ARHGAP10: variants seen among roughly 807,000 people sequenced by gnomAD.
ARHGAP10 encodes Rho GTPase activating protein 10.
A neutral mutation model predicts 108.6 loss-of-function variants in ARHGAP10; 87 were observed. That is an observed-to-expected ratio of 0.80 (90% CI 0.67 to 0.96). The LOEUF is 0.96. ARHGAP10 is among the 40% of genes least tolerant of loss of function. The pLI is 0.00. For synonymous variants in ARHGAP10, 347 were observed against 341.1 expected, an observed-to-expected ratio of 1.02 and a Z score of -0.19; for missense variants, 939 against 954.5, an observed-to-expected ratio of 0.98 and a Z score of 0.21.
At position 147,959,726 on chromosome 4, in the gene ARHGAP10, C is replaced by G. The variant is rs147057943; in HGVS notation, c.1450+4352C>G. Among the ~76,000 whole-genome samples, 580 of 152,244 alleles carry G rather than the reference C, an allele frequency of 3.8e-3. 7 individuals carry two copies. Among genetic ancestry groups the G allele is most frequent in the East Asian group, 0.022 (115 of 5,182 alleles). ...CCTTTTTAATGGTTGCATAGTATTTCATGGTGTGTATGTGCCACATATTCT... is the reference window on the plus strand; with the variant it reads ...CCTTTTTAATGGTTGCATAGTATTTGATGGTGTGTATGTGCCACATATTCT... On this transcript the variant is annotated intron_variant, in intron 16 of 22. Transcript: ENST00000336498.
At chr4:148,025,490 A>G (rs1315752632) in intron 19 of ARHGAP10, among the ~76,000 whole-genome samples, 2 of 151,778 alleles carry the variant, frequency 1.3e-5, no homozygotes, top group Non-Finnish European at 2.9e-5. Context: ...CCTTGCCCTC[A>G]GTTTTTTGTA....
At chr4:147,804,455 A>G (rs1731700999) in intron 1 of ARHGAP10, among the ~76,000 whole-genome samples, 1 of 152,210 alleles carries the variant, frequency 6.6e-6, no homozygotes. Context: ...TAGTGCTGCG[A>G]TGAACATAAA....
chr4:147,736,122 G>C (rs1041434454), intron 1 of ARHGAP10, among the ~76,000 whole-genome samples: 14 of 143,696 alleles, frequency 9.7e-5, no homozygotes, highest in African/African-American at 3.6e-4. Context: ...TTGTCTAGCT[G>C]TGTGTGTGTG....
At chr4:148,065,488 A>G (rs1220049494) in intron 22 of ARHGAP10, 1 of 152,222 alleles carries the variant, frequency 6.6e-6, no homozygotes, top group East Asian at 1.9e-4. Flanking sequence ...AAAACCCCAC[A>G]TGGAACAGAA....
At chr4:147,982,911 C>G (rs968165947) in intron 18 of ARHGAP10, among the ~76,000 whole-genome samples, 59 of 152,048 alleles carry the variant, frequency 3.9e-4, no homozygotes, top group Admixed American at 2.0e-3. Context: ...GAGACAGGGT[C>G]TTACTCTCGC....
At chr4:147,943,535 G>T (rs1738245902) in intron 14 of ARHGAP10, among the ~76,000 whole-genome samples, 1 of 152,204 alleles carries the variant, frequency 6.6e-6, no homozygotes, top group African/African-American at 2.4e-5. Context: ...TTTGCATTTA[G>T]GTTGGACTGC....
At chr4:148,016,573 A>C (rs1285584744) in intron 18 of ARHGAP10, among the ~76,000 whole-genome samples, 1 of 152,174 alleles carries the variant, frequency 6.6e-6, no homozygotes, top group Non-Finnish European at 1.5e-5. Flanking sequence ...CACAACAATC[A>C]ACACAGAAAA....
At chr4:147,908,601 T>G (rs1736599157) in intron 11 of ARHGAP10, among the ~76,000 whole-genome samples, 1 of 152,250 alleles carries the variant, frequency 6.6e-6, no homozygotes, top group African/African-American at 2.4e-5. Flanking sequence ...TTTGCCAGCC[T>G]TACAGTTCTT....
In ARHGAP10 at chr4:147,915,189, C is replaced by G. The variant is rs991645364; in HGVS notation, c.1228+2050C>G. On this transcript the variant is annotated intron_variant, in intron 13 of 22. Coordinates refer to ENST00000336498, the MANE Select transcript of ARHGAP10 (RefSeq NM_024605.4). The stretch of plus-strand genomic sequence containing the variant: ...GCTGTTGTATGATTTGGGGATTTGC[C>G]CATCAATAACAACAACGTATGCCAC... Among the ~76,000 whole-genome samples the G allele has an allele frequency of 2.0e-5, 3 of 152,010 alleles. No individual in the cohort carries two copies. The East Asian group carries it at 5.8e-4, about 29-fold the overall frequency.
intron 22 of ARHGAP10, among the ~76,000 whole-genome samples, chr4:148,068,715 G>GACCAC (rs1730014790): frequency 6.6e-6 from 1 of 152,200 alleles, no homozygotes; most frequent in African/African-American, 2.4e-5. Context: ...CAGAGCCCAG[G>GACCAC]ACGCAGCCTC....
chr4:147,883,395 T>C (rs1735415327), intron 10 of ARHGAP10, among the ~76,000 whole-genome samples: 1 of 152,142 alleles, frequency 6.6e-6, no homozygotes, highest in African/African-American at 2.4e-5. Context: ...CTTCCAAACT[T>C]TAAGAAGGGA....
At chr4:148,029,931 A>C (rs1057040143) in intron 19 of ARHGAP10, among the ~76,000 whole-genome samples, 1 of 152,108 alleles carries the variant, frequency 6.6e-6, no homozygotes, top group African/African-American at 2.4e-5. Flanking sequence ...GCGTGCCTAG[A>C]AATTATGTGG....
At position 147,915,377 on chromosome 4, in the gene ARHGAP10, C is replaced by T. The variant is rs1211193645; in HGVS notation, c.1228+2238C>T. On this transcript the variant is annotated intron_variant, in intron 13 of 22. Transcript: ENST00000336498. ...TGCAATTTTAGTATCTTTCACTTGA[C>T]ACTCATGTTTCTTTTTTTCTGAGTT... is the stretch of plus-strand genomic sequence containing the variant. Among the ~76,000 whole-genome samples the T allele has an allele frequency of 2.0e-5, 3 of 152,218 alleles. No homozygotes were observed. In the East Asian group the frequency reaches 5.8e-4, roughly 29 times the overall value.
At chr4:147,887,598 A>C (rs964493615) in intron 10 of ARHGAP10, among the ~76,000 whole-genome samples, 1 of 152,050 alleles carries the variant, frequency 6.6e-6, no homozygotes, top group African/African-American at 2.4e-5. Flanking sequence ...GCGGTGGCTC[A>C]TGCCTGTAAT....
intron 9 of ARHGAP10, among the ~76,000 whole-genome samples, chr4:147,880,625 T>G (rs903641986): frequency 6.6e-6 from 1 of 152,230 alleles, no homozygotes; most frequent in Non-Finnish European, 1.5e-5. Flanking sequence ...TTCTGGAAAA[T>G]GTTAAAATGT....
At chr4:148,010,302 C>T (rs112487867) in intron 18 of ARHGAP10, among the ~76,000 whole-genome samples, 2,180 of 152,230 alleles carry the variant, frequency 0.014, 25 homozygotes, top group Non-Finnish European at 0.024. Context: ...TCTTTCAAGA[C>T]CACAGTGCAT....
chr4:147,837,807 G>A (rs1733239720), intron 3 of ARHGAP10, among the ~76,000 whole-genome samples: 1 of 151,918 alleles, frequency 6.6e-6, no homozygotes, highest in Non-Finnish European at 1.5e-5. Flanking sequence ...GTGGGAAGGA[G>A]AATTCCTCAA....
At chr4:147,950,272 A>G (rs1256701546) in intron 15 of ARHGAP10, among the ~76,000 whole-genome samples, 1 of 151,900 alleles carries the variant, frequency 6.6e-6, no homozygotes, top group African/African-American at 2.4e-5. Flanking sequence ...TTTTTCTCTA[A>G]ATTTTGGTGA....
chr4:148,020,541 T>TG (rs1228123013), intron 18 of ARHGAP10, among the ~76,000 whole-genome samples: 2 of 149,254 alleles, frequency 1.3e-5, no homozygotes, highest in African/African-American at 4.9e-5. Flanking sequence ...GAACATGCGT[T>TG]TTTTGTTTTT....
Sources: allele counts gnomAD v4.1 joint callset (sites outside exome capture counted in the v4.1 genomes callset), GRCh38; gene constraint gnomAD v4.1.1; transcripts MANE v1.5; gene names NCBI Gene and HGNC (gene_info 2026-07-23, HGNC 2026-07-21).